Variants in FAM135B observed in about 807,000 individuals in gnomAD.
FAM135B encodes the protein protein FAM135B.
Under a neutral mutation model 127.7 loss-of-function variants are expected in FAM135B, and 43 were observed. The ratio of observed to expected loss-of-function variants is 0.34; its 90% confidence interval spans 0.26 to 0.43. The LOEUF (loss-of-function observed/expected upper bound fraction) is 0.43, where lower values mean the gene tolerates loss of function less well. Among genes scored for constraint, FAM135B ranks in the 20% least tolerant of loss-of-function variants. The probability of loss-of-function intolerance (pLI) is 1.00; values close to 1 mark genes in which losing one functional copy is unlikely to be tolerated. For synonymous variants in FAM135B, 670 were observed against 665.1 expected (o/e 1.01, Z -0.11); for missense variants, 1,558 against 1,725.6 (o/e 0.90, Z 1.72).
At chr8:138,292,249 CTAAT>C (rs1016855137) in intron 3 of FAM135B, among the ~76,000 whole-genome samples, 7 of 152,020 alleles carry the variant, frequency 4.6e-5, no homozygotes, top group African/African-American at 1.4e-4. Flanking sequence ...ATATAAGACA[CTAAT>C]GAAAGAAACT....
intron 3 of FAM135B, among the ~76,000 whole-genome samples, chr8:138,274,309 A>T (rs1369370193): frequency 6.6e-6 from 1 of 152,228 alleles, no homozygotes; most frequent in Non-Finnish European, 1.5e-5. Context: ...ACATGTCAGT[A>T]GGTTCCGTGA....
intron 5 of FAM135B, among the ~76,000 whole-genome samples, chr8:138,255,742 T>A (rs545352576): frequency 1.3e-5 from 2 of 152,278 alleles, no homozygotes; most frequent in Admixed American, 6.5e-5. Context: ...GTGACTGTCT[T>A]CTGGCCAGGG....
At chr8:138,484,068 T>C (rs1814893803) in intron 1 of FAM135B, among the ~76,000 whole-genome samples, 1 of 152,252 alleles carries the variant, frequency 6.6e-6, no homozygotes, top group Non-Finnish European at 1.5e-5. Flanking sequence ...ATATTTTGAC[T>C]GCTCATCTGA....
chr8:138,451,642 G>A lies in FAM135B; in HGVS notation c.-20+45029C>T, dbSNP rs542002820. Among the ~76,000 whole-genome samples, 8 of 152,270 alleles carry A rather than the reference G, an allele frequency of 5.3e-5. No individual in the cohort carries two copies. In the East Asian group the frequency reaches 7.7e-4, roughly 15 times the overall value. On this transcript the variant is annotated intron_variant, in intron 1 of 19. Transcript: ENST00000395297. ...CAGTACAAGGGCAACTAACTCCTCC[G>A]TCAACTGGAATAGAGTTTGCTATGA...
intron 1 of FAM135B, among the ~76,000 whole-genome samples, chr8:138,413,449 C>T (rs1406224854): frequency 3.3e-5 from 5 of 152,144 alleles, no homozygotes. Context: ...TAAAAACCTC[C>T]CTTTGGACGA....
intron 1 of FAM135B, among the ~76,000 whole-genome samples, chr8:138,465,333 C>T (rs1837328779): frequency 6.6e-6 from 1 of 152,184 alleles, no homozygotes. Flanking sequence ...CTCACAGGTG[C>T]TGCAAGGAGT....
intron 1 of FAM135B, chr8:138,459,633 C>G (rs2131612586): frequency 6.6e-6 from 1 of 152,358 alleles, no homozygotes; most frequent in South Asian, 2.1e-4. Context: ...TCAAGGATAA[C>G]TCCACCCTGA....
rs1820790313 is a variant in FAM135B, at chr8:138,241,735, A to C, written c.669+1207T>G. On this transcript the variant is annotated intron_variant, in intron 7 of 19. Transcript: ENST00000395297. The surrounding 1 kb of genome is among the most constrained non-coding windows in gnomAD (Gnocchi z 4.8). ...AAATTAGTAGTGATAGTTACTATTA[A>C]TGTGACAGTTACTTTTACGTGTCAT... Among the ~76,000 whole-genome samples, 1 of 152,182 alleles carries C rather than the reference A, an allele frequency of 6.6e-6. No homozygotes were observed. The highest frequency in any genetic ancestry group is 2.1e-4 in the South Asian group (1 of 4,828).
chr8:138,473,711 T>A (rs919329341), intron 1 of FAM135B, among the ~76,000 whole-genome samples: 3 of 151,946 alleles, frequency 2.0e-5, no homozygotes, highest in Non-Finnish European at 2.9e-5. Context: ...CGCTAAACAA[T>A]CAGGAGATCA....
intron 7 of FAM135B, among the ~76,000 whole-genome samples, chr8:138,211,242 A>G (rs1196644985): frequency 4.6e-5 from 7 of 152,186 alleles, no homozygotes; most frequent in Admixed American, 4.6e-4. Context: ...TTAAATAACT[A>G]CAGCAATCAT....
chr8:138,171,462 T>C (rs1423290467), intron 11 of FAM135B, among the ~76,000 whole-genome samples: 1 of 152,232 alleles, frequency 6.6e-6, no homozygotes. Flanking sequence ...AACTGATTGA[T>C]TCATAATGCT....
At position 138,349,659 on chromosome 8, in the gene FAM135B, GA is replaced by G. The variant is rs543054290; in HGVS notation, c.77+18247del. 8.9e-3 allele frequency among the ~76,000 whole-genome samples: 1,350 copies of G among 152,102 alleles called. 25 individuals are homozygous for G. Among genetic ancestry groups the G allele is most frequent in the African/African-American group, 0.031 (1,296 of 41,500 alleles). On this transcript the variant is annotated intron_variant, in intron 2 of 19. Coordinates refer to ENST00000395297, the MANE Select transcript of FAM135B (RefSeq NM_015912.4). Reference sequence around the variant, plus strand: ...AGATAAAATAGATGAATGAATGAATGAGTGAATGAGTGAATGAATGAATACT... The same window carrying G: ...AGATAAAATAGATGAATGAATGAATGGTGAATGAGTGAATGAATGAATACT...
chr8:138,393,721 A>C (rs1587336478), intron 1 of FAM135B, among the ~76,000 whole-genome samples: 1 of 152,048 alleles, frequency 6.6e-6, no homozygotes, highest in Non-Finnish European at 1.5e-5. Context: ...TAGCACCCCC[A>C]CTGTCCTCTG....
intron 1 of FAM135B, among the ~76,000 whole-genome samples, chr8:138,371,367 T>G (rs1473908265): frequency 1.3e-5 from 2 of 151,962 alleles, no homozygotes; most frequent in Non-Finnish European, 1.5e-5. Flanking sequence ...AACACACAGA[T>G]ACATACAATA....
intron 1 of FAM135B, among the ~76,000 whole-genome samples, chr8:138,434,263 ATGT>A (rs1316726870): frequency 6.6e-6 from 1 of 152,160 alleles, no homozygotes; most frequent in Non-Finnish European, 1.5e-5. Context: ...TATGAATCTA[ATGT>A]TGTTTCTGAA....
chr8:138,262,238 C>T (rs1822589504), intron 4 of FAM135B, among the ~76,000 whole-genome samples: 1 of 152,198 alleles, frequency 6.6e-6, no homozygotes, highest in South Asian at 2.1e-4. Context: ...GGGACAAGAA[C>T]AATTCTCTGA....
chr8:138,232,159 T>C (rs1819950857), intron 7 of FAM135B, among the ~76,000 whole-genome samples: 1 of 152,264 alleles, frequency 6.6e-6, no homozygotes, highest in Non-Finnish European at 1.5e-5. Context: ...CTCTATGCCC[T>C]GCTGCTCTGT....
chr8:138,299,586 T>TAC (rs200452928), intron 3 of FAM135B, among the ~76,000 whole-genome samples: 522 of 142,872 alleles, frequency 3.7e-3, no homozygotes, highest in African/African-American at 8.2e-3. Context: ...CATACACACA[T>TAC]ACACACACAC....
At chr8:138,272,747 T>C (rs1199827919) in intron 3 of FAM135B, among the ~76,000 whole-genome samples, 1 of 152,220 alleles carries the variant, frequency 6.6e-6, no homozygotes, top group Non-Finnish European at 1.5e-5. Flanking sequence ...AGAAACCCAC[T>C]GGATTTCCTT....
Sources: allele counts gnomAD v4.1 joint callset (sites outside exome capture counted in the v4.1 genomes callset), GRCh38; gene constraint gnomAD v4.1.1; non-coding constraint Gnocchi (gnomAD v3.1); transcripts MANE v1.5; gene names NCBI Gene and HGNC (gene_info 2026-07-23, HGNC 2026-07-21).